The following ARHGAP24 variants were observed in gnomAD, a reference collection of about 807,000 sequenced individuals.
ARHGAP24 encodes the protein rho GTPase-activating protein 24.
Under a neutral mutation model 76.4 loss-of-function variants are expected in ARHGAP24, and 50 were observed. The ratio of observed to expected loss-of-function variants is 0.65; its 90% CI spans 0.52 to 0.83. ARHGAP24 has a LOEUF of 0.83. ARHGAP24 is among the 40% of genes least tolerant of loss of function. The probability of loss-of-function intolerance (pLI) is 0.00; values close to 1 mark genes in which losing one functional copy is unlikely to be tolerated. For missense variants in ARHGAP24, 930 were observed against 914.2 expected, an observed-to-expected ratio of 1.02 and a Z score of -0.22; for synonymous variants, 345 against 323.3, an observed-to-expected ratio of 1.07 and a Z score of -0.72.
chr4:85,666,444 C>T (rs979423781), intron 2 of ARHGAP24, among the ~76,000 whole-genome samples: 5 of 152,010 alleles, frequency 3.3e-5, no homozygotes, highest in African/African-American at 1.2e-4. Flanking sequence ...TTTGAATTTC[C>T]TCCTGTAGCT....
intron 8 of ARHGAP24, chr4:85,991,795 G>A (rs370600230): frequency 7.7e-5 from 15 of 194,986 alleles, no homozygotes; most frequent in African/African-American, 3.2e-4. Flanking sequence ...AAAATCATCA[G>A]GTGTCTTACA....
At chr4:85,915,765 G>T (rs762243355) in intron 3 of ARHGAP24, among the ~76,000 whole-genome samples, 1 of 152,080 alleles carries the variant, frequency 6.6e-6, no homozygotes, top group African/African-American at 2.4e-5. Context: ...CTTTTTTATG[G>T]CTGCATAGTA....
chr4:85,796,763 C>G (rs1296709941), intron 3 of ARHGAP24, among the ~76,000 whole-genome samples: 1 of 152,068 alleles, frequency 6.6e-6, no homozygotes, highest in Non-Finnish European at 1.5e-5. Flanking sequence ...ATACCCGAGG[C>G]TGAGATCCAG....
chr4:85,896,357 T>TG (rs1734179634), intron 3 of ARHGAP24, among the ~76,000 whole-genome samples: 1 of 152,224 alleles, frequency 6.6e-6, no homozygotes, highest in South Asian at 2.1e-4. Flanking sequence ...TGAATAAAAC[T>TG]GCCATTTATA....
At chr4:85,601,248 C>A (rs1321483641) in intron 2 of ARHGAP24, among the ~76,000 whole-genome samples, 1 of 152,078 alleles carries the variant, frequency 6.6e-6, no homozygotes, top group Non-Finnish European at 1.5e-5. Flanking sequence ...ACTTAGAGTT[C>A]TTTCTGTATA....
At chr4:85,710,769 CATACCAGTCAGA>C (rs962493698) in intron 2 of ARHGAP24, among the ~76,000 whole-genome samples, 1 of 152,126 alleles carries the variant, frequency 6.6e-6, no homozygotes, top group Non-Finnish European at 1.5e-5. Context: ...GACACCGTCT[CATACCAGTCAGA>C]ATGGCTGTTA....
chr4:85,890,064 G>A (rs1242484319), intron 3 of ARHGAP24, among the ~76,000 whole-genome samples: 1 of 152,088 alleles, frequency 6.6e-6, no homozygotes, highest in Non-Finnish European at 1.5e-5. Flanking sequence ...TTGTAGGAAA[G>A]CAAAGATTCC....
intron 2 of ARHGAP24, among the ~76,000 whole-genome samples, chr4:85,606,373 C>T (rs1340625718): frequency 6.6e-6 from 1 of 151,960 alleles, no homozygotes; most frequent in Non-Finnish European, 1.5e-5. Context: ...ATTGACTGGG[C>T]GTGGTTGCGG....
intron 4 of ARHGAP24, among the ~76,000 whole-genome samples, chr4:85,935,877 C>G (rs887667568): frequency 6.6e-6 from 1 of 152,182 alleles, no homozygotes; most frequent in African/African-American, 2.4e-5. Context: ...CCCCCTCTGA[C>G]TTTGAAAAGA....
chr4:85,814,021 A>G lies in ARHGAP24; in HGVS notation c.268+92049A>G, dbSNP rs559812011. Among the ~76,000 whole-genome samples, 6 of 152,012 alleles carry G rather than the reference A, an allele frequency of 3.9e-5. No individual in the cohort carries two copies. The South Asian group carries it at 1.3e-3, about 32-fold the overall frequency. The stretch of plus-strand genomic sequence containing the variant: ...TCAAATGGCAGTGGCAAGAGAGAGA[A>G]TGAGAGCCAAGAGAAATAGGTTTCC... On this transcript the variant is annotated intron_variant, in intron 3 of 9. Coordinates refer to ENST00000395184, the MANE Select transcript of ARHGAP24 (RefSeq NM_001025616.3).
chr4:85,709,857 A>C (rs903114600), intron 2 of ARHGAP24, among the ~76,000 whole-genome samples: 2 of 152,216 alleles, frequency 1.3e-5, no homozygotes, highest in Non-Finnish European at 2.9e-5. Flanking sequence ...TGCTCAAAGA[A>C]ATCAGAGTTG....
At chr4:85,685,559 G>A (rs1381506675) in intron 2 of ARHGAP24, among the ~76,000 whole-genome samples, 1 of 151,670 alleles carries the variant, frequency 6.6e-6, no homozygotes, top group East Asian at 1.9e-4. Context: ...CGTGAACCCA[G>A]GAGGTGGAGT....
chr4:85,873,603 G>T (rs1271900430), intron 3 of ARHGAP24, among the ~76,000 whole-genome samples: 1 of 152,186 alleles, frequency 6.6e-6, no homozygotes, highest in Non-Finnish European at 1.5e-5. Context: ...TGTTCAGAAT[G>T]TTCAGAATGG....
At chr4:85,669,292 T>C (rs1722741391) in intron 2 of ARHGAP24, among the ~76,000 whole-genome samples, 1 of 152,114 alleles carries the variant, frequency 6.6e-6, no homozygotes, top group South Asian at 2.1e-4. Flanking sequence ...CTTATTTGAC[T>C]TTTCTCTACC....
intron 3 of ARHGAP24, among the ~76,000 whole-genome samples, chr4:85,856,022 A>G (rs1731539112): frequency 6.6e-6 from 1 of 152,192 alleles, no homozygotes; most frequent in Admixed American, 6.5e-5. Flanking sequence ...TTAACTTTAA[A>G]AGAAATGTGG....
At chr4:85,785,123 G>C (rs1727771313) in intron 3 of ARHGAP24, among the ~76,000 whole-genome samples, 1 of 152,130 alleles carries the variant, frequency 6.6e-6, no homozygotes, top group African/African-American at 2.4e-5. Flanking sequence ...GCATTCACGT[G>C]TGTCATCCTG....
chr4:85,756,579 A>G (rs1268037355), intron 3 of ARHGAP24, among the ~76,000 whole-genome samples: 1 of 152,190 alleles, frequency 6.6e-6, no homozygotes, highest in African/African-American at 2.4e-5. Context: ...AAGCAAGTTC[A>G]TCTCTGTATC....
At chr4:85,887,505 G>A (rs901699060) in intron 3 of ARHGAP24, among the ~76,000 whole-genome samples, 9 of 152,074 alleles carry the variant, frequency 5.9e-5, no homozygotes, top group Non-Finnish European at 1.3e-4. Context: ...CCTGCTCTAT[G>A]GATTGGGAGA....
chr4:85,827,517 T>TGTGTGTGTGTG (rs1553933033), intron 3 of ARHGAP24, among the ~76,000 whole-genome samples: 243 of 126,196 alleles, frequency 1.9e-3, no homozygotes, highest in Non-Finnish European at 2.8e-3. Context: ...TGTGTGTGTG[T>TGTGTGTGTGTG]TTAGAGAGAG....
Sources: allele counts gnomAD v4.1 joint callset (sites outside exome capture counted in the v4.1 genomes callset), GRCh38; gene constraint gnomAD v4.1.1; transcripts MANE v1.5; gene names NCBI Gene and HGNC (gene_info 2026-07-23, HGNC 2026-07-21).